Variants in HLCS observed in about 807,000 individuals in gnomAD.
HLCS encodes biotin--protein ligase.
A neutral mutation model predicts 75.0 loss-of-function variants in HLCS; 53 were observed. That is an observed-to-expected ratio of 0.71 (90% CI 0.57 to 0.89). HLCS has a LOEUF of 0.89. Ranked by LOEUF, HLCS falls within the 40% of genes least tolerant of loss-of-function variation. The pLI is 0.00. For missense variants in HLCS, 966 were observed against 1,074.0 expected, an observed-to-expected ratio of 0.90 and a Z score of 1.41; for synonymous variants, 431 against 428.6, an observed-to-expected ratio of 1.01 and a Z score of -0.07.
intron 6 of HLCS, among the ~76,000 whole-genome samples, chr21:36,829,521 T>C (rs529320952): frequency 6.6e-6 from 1 of 152,338 alleles, no homozygotes; most frequent in South Asian, 2.1e-4. Context: ...ATAAATATTG[T>C]CATATTACTA....
chr21:36,795,799 G>A (rs919137198), intron 6 of HLCS, among the ~76,000 whole-genome samples: 34 of 152,356 alleles, frequency 2.2e-4, no homozygotes, highest in African/African-American at 7.2e-4. Context: ...GCCTGGGATA[G>A]TGCCCTGTGC....
chr21:36,794,820 G>A (rs2060978499), intron 6 of HLCS, among the ~76,000 whole-genome samples: 1 of 152,132 alleles, frequency 6.6e-6, no homozygotes, highest in Admixed American at 6.5e-5. Context: ...GGAAGATGGA[G>A]TCAAGGGTGA....
chr21:36,868,192 G>GGAAAAGGGAAGGAAAAAGGA (rs1569122172), intron 6 of HLCS, among the ~76,000 whole-genome samples: 1 of 146,280 alleles, frequency 6.8e-6, no homozygotes, highest in South Asian at 2.2e-4. Context: ...GGGGAAAAAG[G>GGAAAAGGGAAGGAAAAAGGA]AAGGGAAAAG....
intron 2 of HLCS, among the ~76,000 whole-genome samples, chr21:36,952,720 G>A (rs947487085): frequency 1.3e-5 from 2 of 149,730 alleles, no homozygotes; most frequent in African/African-American, 2.5e-5. Context: ...GAACCAGGAA[G>A]TCGGAGGTTG....
intron 6 of HLCS, among the ~76,000 whole-genome samples, chr21:36,853,217 T>C (rs1317196874): frequency 1.3e-5 from 2 of 152,230 alleles, no homozygotes; most frequent in Non-Finnish European, 2.9e-5. Flanking sequence ...CTCCCATATG[T>C]GCTTTCCTAA....
intron 1 of HLCS, among the ~76,000 whole-genome samples, chr21:36,985,346 G>GC (rs1427721524): frequency 6.6e-6 from 1 of 152,178 alleles, no homozygotes; most frequent in Non-Finnish European, 1.5e-5. Context: ...TTAAAAGTCA[G>GC]CCCCGGCTGG....
At chr21:36,777,735 A>G (rs1372858196) in intron 6 of HLCS, among the ~76,000 whole-genome samples, 1 of 152,162 alleles carries the variant, frequency 6.6e-6, no homozygotes, top group African/African-American at 2.4e-5. Context: ...GAATACATGG[A>G]AGCGATATTG....
intron 6 of HLCS, among the ~76,000 whole-genome samples, chr21:36,873,787 G>A (rs567025958): frequency 3.7e-4 from 57 of 152,280 alleles, no homozygotes; most frequent in African/African-American, 1.3e-3. Context: ...ATTTTGTAGA[G>A]ATGGAGTTTC....
At chr21:36,981,733 TCTC>T (rs1274653275) in intron 1 of HLCS, among the ~76,000 whole-genome samples, 2 of 151,976 alleles carry the variant, frequency 1.3e-5, no homozygotes, top group South Asian at 2.1e-4. Flanking sequence ...CTACCAGACT[TCTC>T]CTGCTACCCT....
At chr21:36,837,713 A>G (rs2062462053) in intron 6 of HLCS, among the ~76,000 whole-genome samples, 1 of 152,216 alleles carries the variant, frequency 6.6e-6, no homozygotes, top group Non-Finnish European at 1.5e-5. Context: ...TGAAGAAATG[A>G]GTGAATTTTA....
At chr21:36,825,341 T>G (rs1331458636) in intron 6 of HLCS, among the ~76,000 whole-genome samples, 1 of 152,062 alleles carries the variant, frequency 6.6e-6, no homozygotes, top group Non-Finnish European at 1.5e-5. Flanking sequence ...TAAGTCAAGA[T>G]CACACCACTG....
At chr21:36,754,897 G>A (rs971766090) in intron 10 of HLCS, among the ~76,000 whole-genome samples, 3 of 152,114 alleles carry the variant, frequency 2.0e-5, no homozygotes, top group Admixed American at 6.5e-5. Context: ...CTCAAGTCAC[G>A]TCCTTCTTAA....
In HLCS at chr21:36,788,787, C is replaced by T. The variant is rs191009797; in HGVS notation, c.1893-21502G>A. On this transcript the variant is annotated intron_variant, in intron 6 of 10. Transcript: ENST00000674895. ...GGTAAAGATGAATGACTCTCACGTC[C>T]TAGACACTGAGGTGCAGTCACGTGC... Among the ~76,000 whole-genome samples the T allele has an allele frequency of 4.6e-5, 7 of 152,288 alleles. No individual in the cohort carries two copies. The East Asian group carries it at 1.4e-3, about 29-fold the overall frequency.
At chr21:36,839,129 A>C (rs2062526944) in intron 6 of HLCS, among the ~76,000 whole-genome samples, 1 of 152,240 alleles carries the variant, frequency 6.6e-6, no homozygotes, top group Non-Finnish European at 1.5e-5. Flanking sequence ...CTACAATTAG[A>C]TTAAATGGGA....
At chr21:36,980,347 G>C (rs1453262347) in intron 1 of HLCS, 3 of 152,206 alleles carry the variant, frequency 2.0e-5, no homozygotes, top group Admixed American at 6.6e-5. Context: ...TGCCTGTACA[G>C]CTCGTTTTCT....
chr21:36,973,891 T>A (rs549084642), intron 1 of HLCS: 1 of 152,410 alleles, frequency 6.6e-6, no homozygotes, highest in African/African-American at 2.4e-5. Flanking sequence ...CTTGGGAGGC[T>A]GAGGCAGGAG....
intron 1 of HLCS, among the ~76,000 whole-genome samples, chr21:36,984,862 T>C (rs1353309685): frequency 6.8e-6 from 1 of 146,518 alleles, no homozygotes; most frequent in Non-Finnish European, 1.5e-5. Flanking sequence ...ATTTTATATT[T>C]TCTTTTTCTT....
At chr21:36,963,091 T>G (rs577333617) in intron 1 of HLCS, among the ~76,000 whole-genome samples, 1 of 152,290 alleles carries the variant, frequency 6.6e-6, no homozygotes, top group East Asian at 1.9e-4. Context: ...CATACTTTAA[T>G]GGAATGTAAA....
rs1341000294 is a variant in HLCS at position 36,962,052 on chromosome 21, G to A, written c.314C>T (p.Ser105Leu). 7.8e-7 allele frequency: 1 copy of A among 1,289,172 alleles called. No homozygotes were observed. Among genetic ancestry groups the A allele is most frequent in the Admixed American group, 2.3e-5 (1 of 43,518 alleles). The allele number at this position is 1,289,172 out of a possible 1,614,324, so 79.9% of individuals were successfully genotyped here. ...GGTACTCACTGTTTCTGAAGAGGATGATCTCTGTAAATTCTCACTTTGTAC... is the reference window on the plus strand; with the variant it reads ...GGTACTCACTGTTTCTGAAGAGGATAATCTCTGTAAATTCTCACTTTGTAC... ...IWVQSENLQR[S>L]SSSETIVKWS... The change falls in exon 2 of 11, where the codon TCA (serine) becomes TTA (leucine). Residue 105 changes from serine to leucine, a missense_variant. Transcript: ENST00000674895.
Sources: allele counts gnomAD v4.1 joint callset (sites outside exome capture counted in the v4.1 genomes callset), GRCh38; gene constraint gnomAD v4.1.1; transcripts MANE v1.5; gene names NCBI Gene and HGNC (gene_info 2026-07-23, HGNC 2026-07-21).